Variants in TLL1 observed in about 807,000 individuals in gnomAD.
TLL1 encodes the protein tolloid like 1, also known as tolloid-like protein 1.
Under a neutral mutation model 128.2 loss-of-function variants are expected in TLL1, and 49 were observed. The observed-to-expected ratio is 0.38, with a 90% CI of 0.30 to 0.48. The LOEUF (loss-of-function observed/expected upper bound fraction) is 0.48. Ranked by LOEUF, TLL1 falls within the 20% of genes least tolerant of loss-of-function variation. The probability of loss-of-function intolerance (pLI) is 0.96; values close to 1 mark genes in which losing one functional copy is unlikely to be tolerated. For synonymous variants in TLL1, 454 were observed against 418.8 expected, an observed-to-expected ratio of 1.08 and a Z score of -1.03; for missense variants, 1,123 against 1,242.0, an observed-to-expected ratio of 0.90 and a Z score of 1.44.
intron 1 of TLL1, among the ~76,000 whole-genome samples, chr4:165,936,971 G>A (rs189506192): frequency 1.2e-3 from 188 of 152,122 alleles, no homozygotes; most frequent in Admixed American, 3.3e-3. Flanking sequence ...CAGAAATGTA[G>A]AAACCTTACT....
At chr4:166,076,928 G>A (rs1741058490) in intron 17 of TLL1, among the ~76,000 whole-genome samples, 1 of 152,164 alleles carries the variant, frequency 6.6e-6, no homozygotes, top group South Asian at 2.1e-4. Context: ...ACTACAGCAG[G>A]TGCACTAACT....
intron 15 of TLL1, among the ~76,000 whole-genome samples, chr4:166,063,736 C>T (rs1032600691): frequency 2.6e-5 from 4 of 151,976 alleles, no homozygotes; most frequent in African/African-American, 9.7e-5. Flanking sequence ...CAAACTATCG[C>T]AAGGACAGAA....
At chr4:165,996,611 T>TAAAC (rs10615717) in intron 5 of TLL1, among the ~76,000 whole-genome samples, 5 of 90,486 alleles carry the variant, frequency 5.5e-5, no homozygotes, top group Non-Finnish European at 1.6e-4. Context: ...AATAAATAAA[T>TAAAC]AAACAAACAA....
intron 9 of TLL1, among the ~76,000 whole-genome samples, chr4:166,038,683 G>T (rs142824578): frequency 2.1e-3 from 318 of 152,250 alleles, no homozygotes; most frequent in Middle Eastern, 3.4e-3. Context: ...GCATCATTTT[G>T]AAACAAAGCA....
chr4:165,909,954 A>G, intron 1 of TLL1, among the ~76,000 whole-genome samples: 1 of 152,146 alleles, frequency 6.6e-6, no homozygotes. Context: ...AAATTTCTAG[A>G]ATGATATATT....
intron 1 of TLL1, among the ~76,000 whole-genome samples, chr4:165,918,312 T>C (rs1294202125): frequency 6.6e-6 from 1 of 152,174 alleles, no homozygotes; most frequent in Non-Finnish European, 1.5e-5. Flanking sequence ...CACACAGTCA[T>C]AGAACACTTA....
chr4:166,067,712 T>G (rs896297094), intron 16 of TLL1, among the ~76,000 whole-genome samples: 1 of 151,808 alleles, frequency 6.6e-6, no homozygotes, highest in African/African-American at 2.4e-5. Flanking sequence ...ACAATAGTTT[T>G]CAAAGAGTCT....
intron 15 of TLL1, among the ~76,000 whole-genome samples, chr4:166,063,832 A>G (rs1348056271): frequency 6.6e-6 from 1 of 151,928 alleles, no homozygotes; most frequent in Admixed American, 6.6e-5. Flanking sequence ...CACGCCACAC[A>G]CCGGGGCCTG....
At chr4:166,036,356 G>T (rs183976523) in intron 9 of TLL1, among the ~76,000 whole-genome samples, 156 of 152,196 alleles carry the variant, frequency 1.0e-3, no homozygotes, top group Middle Eastern at 0.01. Context: ...TCTTAAAATT[G>T]TTCCCTCAAT....
At chr4:165,999,751 A>G (rs1381091103) in intron 5 of TLL1, among the ~76,000 whole-genome samples, 1 of 152,104 alleles carries the variant, frequency 6.6e-6, no homozygotes, top group East Asian at 1.9e-4. Context: ...TAGGATTACA[A>G]GCATGAGCCA....
intron 1 of TLL1, among the ~76,000 whole-genome samples, chr4:165,953,927 T>C (rs1185192232): frequency 6.6e-6 from 1 of 152,120 alleles, no homozygotes; most frequent in Non-Finnish European, 1.5e-5. Context: ...CTTATATTTT[T>C]ACTTTTCAAA....
chr4:165,936,945 A>G (rs1733790865), intron 1 of TLL1, among the ~76,000 whole-genome samples: 1 of 152,108 alleles, frequency 6.6e-6, no homozygotes, highest in African/African-American at 2.4e-5. Context: ...ACAAAAAGCA[A>G]AAAACGAAAG....
intron 10 of TLL1, 81 bp from the exon 11 acceptor site, chr4:166,041,946 A>G: frequency 3.2e-6 from 3 of 951,118 alleles, no homozygotes; most frequent in South Asian, 1.3e-5. Context: ...GTGTTTACAT[A>G]TTATTTGTGA....
Position 166,042,048 on chromosome 4 carries a change from T to C in TLL1, c.1283T>C (p.Leu428Ser). The C allele has an allele frequency of 6.2e-7, 1 of 1,611,702 alleles. No homozygotes were observed. Residue 428 changes from leucine (L) to serine (S), a missense_variant, in exon 11 of 21, where the codon TTG becomes TCG. Leu to Ser is a moderately radical substitution (Grantham distance 145). Transcript: ENST00000061240. ...PLLGRFCGDK[L>S]PEVLTSTDSR... ...TTAGGTAGATTCTGTGGGGACAAATTGCCTGAAGTTCTTACTTCTACAGAC... is the reference window on the plus strand; with the variant it reads ...TTAGGTAGATTCTGTGGGGACAAATCGCCTGAAGTTCTTACTTCTACAGAC...
chr4:165,925,311 G>A (rs74814871), intron 1 of TLL1, among the ~76,000 whole-genome samples: 2,487 of 152,280 alleles, frequency 0.016, 68 homozygotes, highest in African/African-American at 0.056. Context: ...GAGATTCATG[G>A]GATGAGATCA....
chr4:165,994,543 T>C lies in TLL1; in HGVS notation c.514+10T>C. ...GGAGGAAACTTCACTGGTAAGATAC[T>C]CCCAGCATGTCTGTTTTCATAAAGA... is the stretch of plus-strand genomic sequence containing the variant. On this transcript the variant is annotated intron_variant, in intron 4 of 20. Coordinates refer to ENST00000061240, the MANE Select transcript of TLL1 (RefSeq NM_012464.5). 6.2e-7 allele frequency: 1 copy of C among 1,613,732 alleles called. No individual in the cohort carries two copies. Among genetic ancestry groups the C allele is most frequent in the Non-Finnish European group, 8.5e-7 (1 of 1,179,718 alleles).
chr4:166,007,859 C>G, intron 6 of TLL1, 84 bp from the exon 7 acceptor site: 1 of 842,150 alleles, frequency 1.2e-6, no homozygotes, highest in Non-Finnish European at 2.1e-6. Context: ...TCACAAAGAA[C>G]AGATGCAGGT....
chr4:165,979,860 C>T (rs1302416120), intron 1 of TLL1, among the ~76,000 whole-genome samples: 2 of 152,116 alleles, frequency 1.3e-5, no homozygotes, highest in African/African-American at 4.8e-5. Flanking sequence ...TTTTGCAAAA[C>T]TCCGTGGTGA....
chr4:165,897,188 C>T (rs1731721063), intron 1 of TLL1, among the ~76,000 whole-genome samples: 1 of 152,022 alleles, frequency 6.6e-6, no homozygotes, highest in South Asian at 2.1e-4. Flanking sequence ...CTGTAGGTTG[C>T]CTGTTCCCTC....
Sources: allele counts gnomAD v4.1 joint callset (sites outside exome capture counted in the v4.1 genomes callset), GRCh38; gene constraint gnomAD v4.1.1; transcripts MANE v1.5; gene names NCBI Gene and HGNC (gene_info 2026-07-23, HGNC 2026-07-21).